Variants in SERPINE3 observed in about 807,000 individuals in gnomAD.
SERPINE3 encodes serpin family E member 3, also known as serpin E3.
SERPINE3 carries 43 observed loss-of-function variants against 41.7 expected under a neutral mutation model. That is an observed-to-expected ratio of 1.03 (90% confidence interval 0.81 to 1.33). SERPINE3 has a LOEUF of 1.33. Among genes scored for constraint, SERPINE3 ranks in the 40% most tolerant of loss-of-function variants. The pLI, the probability that SERPINE3 is intolerant of heterozygous loss-of-function variation, is 0.00. For missense variants in SERPINE3, 440 were observed against 491.7 expected (o/e 0.89, Z 0.99); for synonymous variants, 200 against 192.2 (o/e 1.04, Z -0.34).
chr13:51,341,489 A>C, intron 3 of SERPINE3, 142 bp downstream of exon 3: 1 of 844,208 alleles, frequency 1.2e-6, no homozygotes, highest in Non-Finnish European at 1.8e-6. Context: ...TCTCCAGCTC[A>C]CCCTGCTGCT....
Position 51,352,064 on chromosome 13 carries a change from T to C in SERPINE3, c.900-2979T>C, listed in dbSNP as rs556627656. Among the ~76,000 whole-genome samples, 33 of 152,258 alleles carry C rather than the reference T, an allele frequency of 2.2e-4. No individual in the cohort carries two copies. In the East Asian group the frequency reaches 3.3e-3, roughly 15 times the overall value. On this transcript the variant is annotated intron_variant, in intron 6 of 9. Coordinates refer to ENST00000681248, the MANE Select transcript of SERPINE3 (RefSeq NM_001386375.1). ...TAGTTTGAGTCCTTCAACTTTCTTC[T>C]TTTTCAAGATTGTTTTAGCTATTCT...
At position 51,344,481 on chromosome 13, in the gene SERPINE3, T is replaced by G. The variant is rs1215309824; in HGVS notation, c.486T>G (p.Thr162=). The G allele has an allele frequency of 6.4e-7, 1 of 1,571,876 alleles. No individual in the cohort carries two copies. Among genetic ancestry groups the G allele is most frequent in the African/African-American group, 1.4e-5 (1 of 73,836 alleles). The change falls in exon 4 of 10, where the codon ACT becomes ACG. Residue 162 remains threonine, a synonymous_variant. Coordinates refer to ENST00000681248, the MANE Select transcript of SERPINE3 (RefSeq NM_001386375.1). ...CTAGCGAAGGGGCCTCCAGAGAGACTGCAGGTAAAAGAAAACTGTACATTT... is the reference window on the plus strand; with the variant it reads ...CTAGCGAAGGGGCCTCCAGAGAGACGGCAGGTAAAAGAAAACTGTACATTT... ...IQTSEGASRE[T]AGGGPSEGPG... is the part of the protein sequence containing the mutation.
chr13:51,359,566 CAG>C (rs748713145), intron 7 of SERPINE3, among the ~76,000 whole-genome samples: 1 of 152,046 alleles, frequency 6.6e-6, no homozygotes, highest in Non-Finnish European at 1.5e-5. Context: ...CCCATCTAAC[CAG>C]ACTCATCCAC....
At chr13:51,348,878 CA>C (rs1955379419) in intron 6 of SERPINE3, among the ~76,000 whole-genome samples, 1 of 59,264 alleles carries the variant, frequency 1.7e-5, no homozygotes, top group Non-Finnish European at 2.9e-5. Flanking sequence ...GATCAGACGC[CA>C]AATTAAGGCA....
In SERPINE3 at chr13:51,339,698, A is replaced by C. The variant is rs1452688103; in HGVS notation, c.-141A>C. The C allele has an allele frequency of 6.6e-6, 1 of 152,238 alleles. No homozygotes were observed. The highest frequency in any genetic ancestry group is 1.5e-5 in the Non-Finnish European group (1 of 68,040). The allele number at this position is 152,238 out of a possible 1,614,324, so 9.4% of individuals were successfully genotyped here. A position where few individuals can be genotyped will look rare whatever the true frequency, so the allele number is the denominator to read the frequency against. On this transcript the variant is annotated 5_prime_UTR_variant, in exon 1 of 10. Transcript: ENST00000681248. The stretch of plus-strand genomic sequence containing the variant: ...AGCACATGAATGCTGGAGACCCACA[A>C]GAACAGAGTCGAGCAAGGAAACGTG...
chr13:51,348,788 T>C, intron 6 of SERPINE3: 1 of 215,506 alleles, frequency 4.6e-6, no homozygotes, highest in Non-Finnish European at 9.2e-6. Context: ...TATCCCATCC[T>C]AAGAGTATAC....
intron 9 of SERPINE3, chr13:51,362,118 TCA>T: frequency 7.1e-7 from 1 of 1,404,266 alleles, no homozygotes; most frequent in South Asian, 1.6e-5. Context: ...TTCTCTCAGC[TCA>T]TATATAGTTA....
chr13:51,354,479 G>C (rs1227379360), intron 6 of SERPINE3: 1 of 152,028 alleles, frequency 6.6e-6, no homozygotes, highest in Non-Finnish European at 1.5e-5. Context: ...ATTGGAGCCT[G>C]GCACAGTGGG....
chr13:51,348,464 C>T (rs1955373362), intron 6 of SERPINE3, 53 bp downstream of exon 6: 7 of 1,504,232 alleles, frequency 4.7e-6, no homozygotes, highest in South Asian at 3.5e-5. Context: ...GTCAGAAGAG[C>T]GTGGATTTGC....
At chr13:51,361,775 G>A (rs749049193) in intron 8 of SERPINE3, 35 bp from the exon 9 acceptor site, 195 of 1,553,996 alleles carry the variant, frequency 1.3e-4, no homozygotes, top group Non-Finnish European at 1.6e-4. Context: ...AAAATGCACA[G>A]AAAATGCAAT....
intron 7 of SERPINE3, among the ~76,000 whole-genome samples, chr13:51,357,204 T>C (rs966035050): frequency 2.0e-5 from 3 of 152,182 alleles, no homozygotes; most frequent in Non-Finnish European, 4.4e-5. Context: ...TGTCCTTCTT[T>C]AAACATAATC....
chr13:51,345,759 A>C (rs1253849714), intron 4 of SERPINE3, among the ~76,000 whole-genome samples: 1 of 152,206 alleles, frequency 6.6e-6, no homozygotes, highest in Non-Finnish European at 1.5e-5. Context: ...ATGTCTTTTC[A>C]ATTTACTTAA....
At chr13:51,342,291 G>A (rs1472899435) in intron 3 of SERPINE3, among the ~76,000 whole-genome samples, 1 of 151,804 alleles carries the variant, frequency 6.6e-6, no homozygotes, top group African/African-American at 2.4e-5. Flanking sequence ...TCTTCACCCT[G>A]TGGGTGAGCA....
Position 51,355,110 on chromosome 13 carries a change from G to T in SERPINE3, c.967G>T (p.Asp323Tyr). The T allele has an allele frequency of 6.5e-7, 1 of 1,547,392 alleles. No individual in the cohort carries two copies. The highest frequency in any genetic ancestry group is 8.8e-7 in the Non-Finnish European group (1 of 1,141,194). Residue 323 changes from aspartate to tyrosine, a missense_variant, in exon 7 of 10, where the codon GAT becomes TAT. Asp to Tyr is a radical substitution (Grantham distance 160, BLOSUM62 -3). Transcript: ENST00000681248. Reference sequence around the variant, plus strand: ...TTCTTGGGGAGTCACCGATCTTTTTGATCCACTCAAAGCTAACTTGAAAGG... The same window carrying T: ...TTCTTGGGGAGTCACCGATCTTTTTTATCCACTCAAAGCTAACTTGAAAGG... ...LNSWGVTDLF[D>Y]PLKANLKGIS... is the part of the protein sequence containing the mutation.
At chr13:51,350,209 T>C (rs1414927015) in intron 6 of SERPINE3, among the ~76,000 whole-genome samples, 1 of 152,140 alleles carries the variant, frequency 6.6e-6, no homozygotes, top group African/African-American at 2.4e-5. Context: ...AGGTTAGACA[T>C]CACCAAGCAG....
At chr13:51,347,419 G>A (rs1445258743) in intron 5 of SERPINE3, among the ~76,000 whole-genome samples, 185 bp downstream of exon 5, 1 of 152,148 alleles carries the variant, frequency 6.6e-6, no homozygotes, top group African/African-American at 2.4e-5. Flanking sequence ...GAGGAGTGTG[G>A]GACAGTGTGC....
chr13:51,354,721 T>C (rs2137803847), intron 6 of SERPINE3, among the ~76,000 whole-genome samples: 1 of 152,280 alleles, frequency 6.6e-6, no homozygotes, highest in Non-Finnish European at 1.5e-5. Context: ...AAGGTATTAA[T>C]GGGGCTTTAA....
chr13:51,341,235 G>A lies in SERPINE3; in HGVS notation c.144G>A (p.Thr48=), dbSNP rs141460066. 2.7e-3 allele frequency: 4,376 copies of A among 1,613,972 alleles called. 11 individuals carry two copies. Among genetic ancestry groups the A allele is most frequent in the Non-Finnish European group, 3.3e-3 (3,925 of 1,179,878 alleles). Residue 48 remains threonine (T), a synonymous_variant, in exon 3 of 10, where the codon ACG becomes ACA. Coordinates refer to ENST00000681248, the MANE Select transcript of SERPINE3 (RefSeq NM_001386375.1). ...GTGTGGCCGCGTGTAGAAATGAGAC[G>A]AACTTTGTCATCTCTCCTGCTGGTG... ...YQSVAACRNE[T]NFVISPAGVS...
intron 4 of SERPINE3, among the ~76,000 whole-genome samples, chr13:51,346,526 C>G (rs572629289): frequency 6.6e-6 from 1 of 152,322 alleles, no homozygotes; most frequent in Non-Finnish European, 1.5e-5. Flanking sequence ...TTGCAATGAA[C>G]ATATTTTAAT....
Sources: allele counts gnomAD v4.1 joint callset (sites outside exome capture counted in the v4.1 genomes callset), GRCh38; gene constraint gnomAD v4.1.1; transcripts MANE v1.5; gene names NCBI Gene and HGNC (gene_info 2026-07-23, HGNC 2026-07-21).